Variants in DOCK8 observed in about 807,000 individuals in gnomAD.
DOCK8 encodes the protein dedicator of cytokinesis 8, also known as dedicator of cytokinesis protein 8.
Under a neutral mutation model 245.6 loss-of-function variants are expected in DOCK8, and 141 were observed. That is an observed-to-expected ratio of 0.57 (90% CI 0.50 to 0.66). The LOEUF (loss-of-function observed/expected upper bound fraction) is 0.66. Ranked by LOEUF, DOCK8 falls within the 30% of genes least tolerant of loss-of-function variation. DOCK8 has a pLI of 0.00. For synonymous variants in DOCK8, 1,168 were observed against 970.2 expected (o/e 1.20, Z -3.79); for missense variants, 2,965 against 2,603.4 (o/e 1.14, Z -3.02).
Position 230,026 on chromosome 9 carries a change from G to T in DOCK8, c.53+14997G>T, listed in dbSNP as rs188248858. 4.2e-3 allele frequency among the ~76,000 whole-genome samples: 633 copies of T among 151,146 alleles called. 6 individuals carry two copies. Among genetic ancestry groups the T allele is most frequent in the Admixed American group, 0.026 (390 of 15,172 alleles). On this transcript the variant is annotated intron_variant, in intron 1 of 47. Transcript: ENST00000432829. ...CCATTAACTCATCATTTAGCATTAG[G>T]TATATCTCCTAATGCTATCCCTCAC...
intron 1 of DOCK8, among the ~76,000 whole-genome samples, chr9:262,884 A>T (rs2047950320): frequency 6.6e-6 from 1 of 151,990 alleles, no homozygotes; most frequent in African/African-American, 2.4e-5. Flanking sequence ...TTTGTCTTTT[A>T]ATTAGAGAAT....
chr9:256,009 C>G (rs2047763937), intron 1 of DOCK8, among the ~76,000 whole-genome samples: 1 of 152,112 alleles, frequency 6.6e-6, no homozygotes, highest in South Asian at 2.1e-4. Context: ...AGAATGTAGT[C>G]TCATTTATTA....
chr9:421,226 G>C (rs528220101), intron 32 of DOCK8, 148 bp downstream of exon 32: 1 of 1,109,308 alleles, frequency 9.0e-7, no homozygotes, highest in East Asian at 2.5e-5. Context: ...GAGTCTGTGT[G>C]TGACATTTGT....
At chr9:314,046 A>T (rs562288173) in intron 6 of DOCK8, among the ~76,000 whole-genome samples, 2 of 152,242 alleles carry the variant, frequency 1.3e-5, no homozygotes, top group Non-Finnish European at 2.9e-5. Context: ...GATTCAACAG[A>T]TAAATTAAAT....
intron 14 of DOCK8, among the ~76,000 whole-genome samples, chr9:342,929 G>A (rs1443040875): frequency 6.6e-6 from 1 of 152,140 alleles, no homozygotes; most frequent in Non-Finnish European, 1.5e-5. Flanking sequence ...GTTTGTGAAA[G>A]TTTCTTTAAT....
chr9:309,323 G>A (rs531365530), intron 5 of DOCK8, among the ~76,000 whole-genome samples: 1 of 151,998 alleles, frequency 6.6e-6, no homozygotes, highest in African/African-American at 2.4e-5. Flanking sequence ...AGCACATTCA[G>A]TTTGGGGAAA....
At chr9:319,535 C>T (rs1338798292) in intron 7 of DOCK8, among the ~76,000 whole-genome samples, 3 of 152,108 alleles carry the variant, frequency 2.0e-5, no homozygotes, top group African/African-American at 7.2e-5. Flanking sequence ...GAAACAAATT[C>T]TTATAGGTAA....
chr9:392,890 C>T (rs764654708), intron 24 of DOCK8, among the ~76,000 whole-genome samples: 1 of 151,766 alleles, frequency 6.6e-6, no homozygotes, highest in African/African-American at 2.4e-5. Flanking sequence ...CATCATGTCT[C>T]TCCATAAAGA....
At chr9:327,963 T>C (rs1284944889) in intron 8 of DOCK8, 59 bp from the exon 9 acceptor site, 3 of 1,537,186 alleles carry the variant, frequency 2.0e-6, no homozygotes, top group Non-Finnish European at 2.7e-6. Flanking sequence ...CTTTTTAACA[T>C]GTTTAAACCA....
intron 14 of DOCK8, among the ~76,000 whole-genome samples, chr9:363,251 C>G (rs2052819037): frequency 6.6e-6 from 1 of 152,218 alleles, no homozygotes; most frequent in Non-Finnish European, 1.5e-5. Context: ...GGCACATACA[C>G]TGGACCTTCA....
chr9:438,423 G>A (rs955200347), intron 39 of DOCK8, among the ~76,000 whole-genome samples: 2 of 152,186 alleles, frequency 1.3e-5, no homozygotes, highest in Non-Finnish European at 2.9e-5. Context: ...CATTTCTTCT[G>A]TTTTTCATAT....
At chr9:287,018 A>G (rs896533768) in intron 3 of DOCK8, among the ~76,000 whole-genome samples, 2 of 152,242 alleles carry the variant, frequency 1.3e-5, no homozygotes, top group Non-Finnish European at 2.9e-5. Context: ...TTTTAATAAT[A>G]ATTACTGAAA....
chr9:291,824 T>G (rs2049052408), intron 4 of DOCK8, among the ~76,000 whole-genome samples: 1 of 151,326 alleles, frequency 6.6e-6, no homozygotes, highest in Admixed American at 6.6e-5. Flanking sequence ...CTCAGCACTT[T>G]GGGAGGTTGA....
Position 400,878 on chromosome 9 carries a change from C to T in DOCK8, c.3234+1619C>T, listed in dbSNP as rs866150956. ...ACCACCTCCTCCACCATCACCACCA[C>T]CTCCACCACCACCACCTCCCCCACT... On this transcript the variant is annotated intron_variant, in intron 26 of 47. Coordinates refer to ENST00000432829, the MANE Select transcript of DOCK8 (RefSeq NM_203447.4). Among the ~76,000 whole-genome samples the T allele has an allele frequency of 5.9e-5, 5 of 85,256 alleles. 1 individual carries two copies. Among genetic ancestry groups the T allele is most frequent in the East Asian group, 3.4e-4 (1 of 2,904 alleles). The allele number at this position is 85,256 out of a possible 152,430, so 55.9% of individuals were successfully genotyped here.
intron 1 of DOCK8, among the ~76,000 whole-genome samples, chr9:234,032 T>A (rs920167794): frequency 6.6e-6 from 1 of 152,198 alleles, no homozygotes; most frequent in East Asian, 1.9e-4. Context: ...CAGTGGCTGG[T>A]ACTGGTTGTT....
At position 452,034 on chromosome 9, in the gene DOCK8, G is replaced by T; in HGVS notation, c.5985G>T (p.Val1995=). Residue 1995 remains valine (V), a synonymous_variant, in exon 46 of 48, where the codon GTG becomes GTT. Transcript: ENST00000432829. Reference sequence around the variant, plus strand: ...AGGGACCACTGGAAGTAGCCCAAGTGTTTTTGGCTGAAATTCCTGCTGATC... The same window carrying T: ...AGGGACCACTGGAAGTAGCCCAAGTTTTTTTGGCTGAAATTCCTGCTGATC... The part of the protein sequence containing the change: ...VNQGPLEVAQ[V]FLAEIPADPK... 1 of 1,568,098 alleles carries T rather than the reference G, an allele frequency of 6.4e-7. No individual in the cohort carries two copies.
intron 46 of DOCK8, among the ~76,000 whole-genome samples, chr9:455,867 A>G (rs2057623149): frequency 6.6e-6 from 1 of 152,184 alleles, no homozygotes; most frequent in African/African-American, 2.4e-5. Context: ...AAAAGCAAAC[A>G]TGCTCAAACT....
In DOCK8 at chr9:370,235, C is replaced by A. The variant is rs1357776479; in HGVS notation, c.1803C>A (p.Ile601=). ...GEDASNAMPV[I]FGKSSGPEFL... ...CTTTCTCTACTGGTGAACAGGTCAT[C>A]TTTGGAAAATCCAGCGGGCCTGAAT... Residue 601 remains isoleucine, a synonymous_variant, in exon 16 of 48, where the codon ATC becomes ATA. Transcript: ENST00000432829. 1 of 1,613,770 alleles carries A rather than the reference C, an allele frequency of 6.2e-7. No homozygotes were observed. Among genetic ancestry groups the A allele is most frequent in the Non-Finnish European group, 8.5e-7 (1 of 1,179,730 alleles).
chr9:394,691 A>G (rs1485995100), intron 24 of DOCK8, among the ~76,000 whole-genome samples: 1 of 152,236 alleles, frequency 6.6e-6, no homozygotes, highest in Non-Finnish European at 1.5e-5. Context: ...CACTCAGGAC[A>G]TGAAGTTCCA....
Sources: gnomAD v4.1 joint callset for allele counts (sites outside exome capture counted in the v4.1 genomes callset) on GRCh38, gnomAD v4.1.1 for gene constraint, MANE v1.5 for transcripts, NCBI Gene and HGNC (gene_info 2026-07-23, HGNC 2026-07-21) for gene names.